PTCHD4: variants seen among roughly 807,000 people sequenced by gnomAD.
The protein encoded by PTCHD4 is patched domain-containing protein 4.
Under a neutral mutation model 58.1 loss-of-function variants are expected in PTCHD4, and 33 were observed. The ratio of observed to expected loss-of-function variants is 0.57; its 90% CI spans 0.43 to 0.76. PTCHD4 has a LOEUF of 0.76. Ranked by LOEUF, PTCHD4 falls within the 30% of genes least tolerant of loss-of-function variation. The pLI, the probability that PTCHD4 is intolerant of heterozygous loss-of-function variation, is 0.00. For missense variants in PTCHD4, 1,058 were observed against 1,027.1 expected, an observed-to-expected ratio of 1.03 and a Z score of -0.41; for synonymous variants, 478 against 409.6, an observed-to-expected ratio of 1.17 and a Z score of -2.02.
chr6:48,004,883 C>G lies in PTCHD4; in HGVS notation c.898+3751G>C, dbSNP rs531094500. 7.9e-5 allele frequency among the ~76,000 whole-genome samples: 12 copies of G among 152,230 alleles called. No individual in the cohort carries two copies. The East Asian group carries it at 2.3e-3, about 29-fold the overall frequency. On this transcript the variant is annotated intron_variant, in intron 4 of 4. Coordinates refer to ENST00000339488, the MANE Select transcript of PTCHD4 (RefSeq NM_001384253.1). ...AGTGAGCCAAGATCATGCTACTGAACTCCAGCCTGGGTGACAGAGCGAGAC... is the reference window on the plus strand; with the variant it reads ...AGTGAGCCAAGATCATGCTACTGAAGTCCAGCCTGGGTGACAGAGCGAGAC...
At chr6:48,019,404 G>A (rs1226371186) in intron 3 of PTCHD4, among the ~76,000 whole-genome samples, 1 of 152,140 alleles carries the variant, frequency 6.6e-6, no homozygotes, top group Non-Finnish European at 1.5e-5. Flanking sequence ...ATGGTGTGGG[G>A]TCAGGGAAAG....
chr6:47,874,300 A>C lies in PTCHD4; in HGVS notation c.*4003T>G, dbSNP rs150067259. Among the ~76,000 whole-genome samples, 30 of 151,798 alleles carry C rather than the reference A, an allele frequency of 2.0e-4. No homozygotes were observed. Among genetic ancestry groups the C allele is most frequent in the Non-Finnish European group, 3.5e-4 (24 of 67,756 alleles). Reference sequence around the variant, plus strand: ...GTGGACTTTAGGCCCTTAAGACCAAAAGCCATGAGGCATTTATGAATAGGT... The same window carrying C: ...GTGGACTTTAGGCCCTTAAGACCAACAGCCATGAGGCATTTATGAATAGGT... On this transcript the variant is annotated 3_prime_UTR_variant, in exon 5 of 5. Coordinates refer to ENST00000339488, the MANE Select transcript of PTCHD4 (RefSeq NM_001384253.1).
At chr6:47,982,478 TC>T in intron 4 of PTCHD4, among the ~76,000 whole-genome samples, 1 of 108,774 alleles carries the variant, frequency 9.2e-6, no homozygotes, top group Non-Finnish European at 1.9e-5. Context: ...GTTTTATCTC[TC>T]TCTTTTTTTT....
intron 4 of PTCHD4, among the ~76,000 whole-genome samples, chr6:47,924,764 A>T (rs950236581): frequency 6.6e-6 from 1 of 152,092 alleles, no homozygotes; most frequent in Non-Finnish European, 1.5e-5. Context: ...TAAGAATGCA[A>T]ATATAATCCT....
At chr6:48,061,390 A>G (rs1764620733) in intron 3 of PTCHD4, among the ~76,000 whole-genome samples, 1 of 152,206 alleles carries the variant, frequency 6.6e-6, no homozygotes, top group African/African-American at 2.4e-5. Context: ...TGTTTCCATG[A>G]TAACACCATG....
At chr6:47,886,119 A>T (rs1174398072) in intron 4 of PTCHD4, among the ~76,000 whole-genome samples, 1 of 145,906 alleles carries the variant, frequency 6.9e-6, no homozygotes. Context: ...CGATGGCAAG[A>T]TTTTTTTTTT....
intron 3 of PTCHD4, among the ~76,000 whole-genome samples, chr6:48,025,862 G>A (rs1385061641): frequency 6.6e-6 from 1 of 152,152 alleles, no homozygotes; most frequent in Admixed American, 6.5e-5. Context: ...AATACTGAGA[G>A]AGGTTCTGAA....
chr6:48,012,824 A>G (rs1160189867), intron 3 of PTCHD4, among the ~76,000 whole-genome samples: 1 of 152,140 alleles, frequency 6.6e-6, no homozygotes, highest in Non-Finnish European at 1.5e-5. Flanking sequence ...GCATCTATTG[A>G]GATAATCATG....
intron 3 of PTCHD4, among the ~76,000 whole-genome samples, chr6:48,048,018 TAAAAAAAAA>T (rs34442679): frequency 1.2e-4 from 15 of 127,734 alleles, no homozygotes; most frequent in Non-Finnish European, 1.7e-5. Context: ...AGCATTCTAG[TAAAAAAAAA>T]AAAAAAAAAA....
At position 48,028,140 on chromosome 6, in the gene PTCHD4, G is replaced by A. The variant is rs116110875; in HGVS notation, c.418-19026C>T. Among the ~76,000 whole-genome samples, 984 of 151,946 alleles carry A rather than the reference G, an allele frequency of 6.5e-3. 15 individuals carry two copies. The highest frequency in any genetic ancestry group is 0.022 in the African/African-American group (929 of 41,480). On this transcript the variant is annotated intron_variant, in intron 3 of 4. Coordinates refer to ENST00000339488, the MANE Select transcript of PTCHD4 (RefSeq NM_001384253.1). Reference sequence around the variant, plus strand: ...TATTTTTTTGTAAAGACAGGGTTTCGCATTGTTGGCCAGCCTGGTCTCGAA... The same window carrying A: ...TATTTTTTTGTAAAGACAGGGTTTCACATTGTTGGCCAGCCTGGTCTCGAA...
chr6:47,941,307 C>A (rs1766212797), intron 4 of PTCHD4, among the ~76,000 whole-genome samples: 1 of 152,124 alleles, frequency 6.6e-6, no homozygotes, highest in African/African-American at 2.4e-5. Flanking sequence ...GTGGAGGAAG[C>A]TATGGAAGCT....
rs749018655 is a variant in PTCHD4 at position 48,068,538 on chromosome 6, G to A, written c.109C>T (p.Arg37Trp). ...ACGGTGAGGAAAAAGACCGGGTGCC[G>A]GCTCACGCACAAACCCAGCCTGTGG... Reference protein sequence around the residue: ...FCHRLGLCVSRHPVFFLTVPA... With the variant: ...FCHRLGLCVSWHPVFFLTVPA... The change falls in exon 3 of 5, where the codon CGG becomes TGG. Residue 37 changes from arginine (R) to tryptophan (W), a missense_variant. Arg to Trp is a moderately radical substitution (Grantham distance 101). Transcript: ENST00000339488. This position sits in a 1 kb window ranked among gnomAD's most constrained non-coding sequence, Gnocchi z 4.2. 6.2e-7 allele frequency: 1 copy of A among 1,608,752 alleles called. No individual in the cohort carries two copies. The highest frequency in any genetic ancestry group is 8.5e-7 in the Non-Finnish European group (1 of 1,178,960).
At chr6:48,066,412 C>T (rs1197595086) in intron 3 of PTCHD4, among the ~76,000 whole-genome samples, 1 of 152,096 alleles carries the variant, frequency 6.6e-6, no homozygotes, top group Non-Finnish European at 1.5e-5. Context: ...ATAATGCATA[C>T]TAATGAACTA....
At chr6:48,031,462 A>C (rs1763436622) in intron 3 of PTCHD4, among the ~76,000 whole-genome samples, 1 of 152,136 alleles carries the variant, frequency 6.6e-6, no homozygotes, top group Non-Finnish European at 1.5e-5. Flanking sequence ...CCCTCTGAGT[A>C]AAGAATAATT....
At chr6:47,992,602 A>G (rs1013835308) in intron 4 of PTCHD4, among the ~76,000 whole-genome samples, 1 of 152,204 alleles carries the variant, frequency 6.6e-6, no homozygotes, top group African/African-American at 2.4e-5. Context: ...ATTAAATTAA[A>G]AAGCAGAATG....
intron 3 of PTCHD4, among the ~76,000 whole-genome samples, chr6:48,046,448 C>G (rs1001074567): frequency 7.2e-5 from 11 of 151,780 alleles, no homozygotes; most frequent in African/African-American, 2.4e-4. Context: ...ACCATGACTT[C>G]AGTTTAAATT....
chr6:47,903,996 C>A (rs1764795860), intron 4 of PTCHD4, among the ~76,000 whole-genome samples: 1 of 152,046 alleles, frequency 6.6e-6, no homozygotes, highest in South Asian at 2.1e-4. Context: ...ACCTCAAGGG[C>A]AAAGGCACTG....
chr6:47,895,349 C>T (rs1367753743), intron 4 of PTCHD4, among the ~76,000 whole-genome samples: 1 of 152,082 alleles, frequency 6.6e-6, no homozygotes, highest in Admixed American at 6.5e-5. Context: ...AACAGGTCCA[C>T]ATTGTTTCTT....
intron 4 of PTCHD4, among the ~76,000 whole-genome samples, chr6:47,952,861 T>A (rs1434118757): frequency 1.3e-5 from 2 of 152,082 alleles, no homozygotes; most frequent in Non-Finnish European, 2.9e-5. Flanking sequence ...TGTCATTAGA[T>A]GACTCATGAC....
Sources: gnomAD v4.1 joint callset for allele counts (sites outside exome capture counted in the v4.1 genomes callset) on GRCh38, gnomAD v4.1.1 for gene constraint, Gnocchi (gnomAD v3.1) non-coding constraint, MANE v1.5 for transcripts, NCBI Gene and HGNC (gene_info 2026-07-23, HGNC 2026-07-21) for gene names.